The following HOATZ variants were observed in gnomAD, a reference collection of about 807,000 sequenced individuals.
HOATZ encodes the protein HOATZ cilia and flagella associated protein, also known as cilia- and flagella-associated protein HOATZ.
HOATZ carries 26 observed loss-of-function variants against 24.9 expected under a neutral mutation model. The observed-to-expected ratio is 1.04, with a 90% CI of 0.76 to 1.45. HOATZ has a LOEUF of 1.45. Ranked by LOEUF, HOATZ falls within the 40% of genes most tolerant of loss-of-function variation. The probability of loss-of-function intolerance (pLI) is 0.00; values close to 1 mark genes in which losing one functional copy is unlikely to be tolerated. For missense variants in HOATZ, 226 were observed against 201.5 expected (o/e 1.12, Z -0.74); for synonymous variants, 83 against 76.6 (o/e 1.08, Z -0.43).
chr11:111,535,185 A>G (rs1867437688), intron 5 of HOATZ: 1 of 152,240 alleles, frequency 6.6e-6, no homozygotes, highest in Admixed American at 6.5e-5. Flanking sequence ...ATGCTGTCAA[A>G]GTAACACCCT....
At position 111,524,962 on chromosome 11, in the gene HOATZ, A is replaced by G. The variant is rs1271433493; in HGVS notation, c.340-8784A>G. On this transcript the variant is annotated intron_variant, in intron 3 of 5. Transcript: ENST00000375618. ...CTGCAGCCTCAACTTTCTCGGATTC[A>G]GGTGATTCTCCCACCTCAGCCTCAG... The G allele has an allele frequency of 2.4e-6, 1 of 424,722 alleles. No homozygotes were observed. The highest frequency in any genetic ancestry group is 3.5e-4 in the Middle Eastern group (1 of 2,868). The allele number at this position is 424,722 out of a possible 1,614,324, so 26.3% of individuals were successfully genotyped here.
intron 3 of HOATZ, among the ~76,000 whole-genome samples, chr11:111,522,410 A>G (rs1431780150): frequency 6.6e-6 from 1 of 152,232 alleles, no homozygotes; most frequent in Non-Finnish European, 1.5e-5. Flanking sequence ...TGGATCAGGT[A>G]ACTCAGAGAA....
intron 3 of HOATZ, among the ~76,000 whole-genome samples, chr11:111,524,731 C>A (rs1555014758): frequency 1.3e-5 from 2 of 152,058 alleles, no homozygotes; most frequent in Non-Finnish European, 2.9e-5. Context: ...GACAAATTGA[C>A]CTAACTATGA....
chr11:111,520,238 G>A (rs17585700), intron 3 of HOATZ, among the ~76,000 whole-genome samples: 5,415 of 152,114 alleles, frequency 0.036, 134 homozygotes, highest in Middle Eastern at 0.085. Context: ...TAGTTTTGCC[G>A]CCTTTAAGAA....
chr11:111,517,584 A>T (rs1217669572), intron 3 of HOATZ, among the ~76,000 whole-genome samples: 1 of 152,148 alleles, frequency 6.6e-6, no homozygotes, highest in Non-Finnish European at 1.5e-5. Context: ...GCTGCTGGGG[A>T]TCCAAAGATA....
At chr11:111,534,595 C>G in intron 5 of HOATZ, 131 bp downstream of exon 5, 1 of 744,350 alleles carries the variant, frequency 1.3e-6, no homozygotes, top group Non-Finnish European at 2.3e-6. Flanking sequence ...AGATTTCTTG[C>G]CTTGAATAAA....
chr11:111,514,814 C>A lies in HOATZ; in HGVS notation c.30C>A (p.Ser10Arg), dbSNP rs770205366. The A allele has an allele frequency of 2.5e-6, 4 of 1,614,008 alleles. No homozygotes were observed. Among genetic ancestry groups the A allele is most frequent in the Non-Finnish European group, 3.4e-6 (4 of 1,179,966 alleles). Residue 10 changes from serine (S) to arginine (R), a missense_variant, in exon 1 of 6, where the codon AGC becomes AGA. Coordinates refer to ENST00000375618, the MANE Select transcript of HOATZ (RefSeq NM_001100388.2). METGPSEEPSGRKESQEMCP... is the reference protein window; with the variant it reads METGPSEEPRGRKESQEMCP... ...AAACGGGACCCAGCGAAGAACCTAG[C>A]GGCCGAAAAGAGTCCCAGGAAATGT...
At chr11:111,525,798 C>T (rs1399492448) in intron 3 of HOATZ, among the ~76,000 whole-genome samples, 1 of 152,174 alleles carries the variant, frequency 6.6e-6, no homozygotes, top group African/African-American at 2.4e-5. Context: ...TGGACAATGA[C>T]AACAAAACAT....
chr11:111,536,595 A>G lies in HOATZ; in HGVS notation c.453-175A>G, dbSNP rs1867452974. ...CTGTACCTCCAAACCACACTTCACA[A>G]TATCATAACCACTTCTCTCACATAC... On this transcript the variant is annotated intron_variant, in intron 5 of 5. Transcript: ENST00000375618. 12 of 546,342 alleles carry G rather than the reference A, an allele frequency of 2.2e-5. 1 individual carries two copies. In the South Asian group the frequency reaches 2.8e-4, roughly 13 times the overall value. 33.8% of individuals were successfully genotyped at this position (546,342 alleles called of 1,614,324 possible).
chr11:111,536,645 C>T, intron 5 of HOATZ, 125 bp from the exon 6 acceptor site: 1 of 749,074 alleles, frequency 1.3e-6, no homozygotes, highest in Admixed American at 2.0e-5. Flanking sequence ...TTGCAAAACC[C>T]AACACATAGA....
intron 3 of HOATZ, among the ~76,000 whole-genome samples, chr11:111,521,849 G>A (rs1867272169): frequency 1.3e-5 from 2 of 152,324 alleles, no homozygotes; most frequent in Middle Eastern, 6.8e-3. Context: ...AACATTTTCA[G>A]TTGACAGATG....
At chr11:111,518,997 C>T (rs1240919314) in intron 3 of HOATZ, 3 of 455,986 alleles carry the variant, frequency 6.6e-6, no homozygotes, top group South Asian at 1.5e-5. Flanking sequence ...ATGTTTCTCT[C>T]TTTCCTGCTA....
intron 1 of HOATZ, 92 bp from the exon 2 acceptor site, chr11:111,515,419 G>C: frequency 9.7e-7 from 1 of 1,030,288 alleles, no homozygotes; most frequent in Non-Finnish European, 1.5e-6. Flanking sequence ...TGTGGAAACT[G>C]TTATGCAATT....
chr11:111,525,233 A>T (rs1464545013), intron 3 of HOATZ, among the ~76,000 whole-genome samples: 1 of 152,108 alleles, frequency 6.6e-6, no homozygotes, highest in African/African-American at 2.4e-5. Context: ...AAAAAGAAAA[A>T]CCCTATAAGT....
At chr11:111,535,923 G>C (rs1867446156) in intron 5 of HOATZ, 1 of 152,246 alleles carries the variant, frequency 6.6e-6, no homozygotes. Flanking sequence ...CCAAAGTGCT[G>C]GGATTACAGG....
Position 111,514,819 on chromosome 11 carries a change from G to A in HOATZ, c.35G>A (p.Arg12Gln), listed in dbSNP as rs771451441. 1.6e-5 allele frequency: 26 copies of A among 1,614,030 alleles called. 1 individual carries two copies. The South Asian group carries it at 2.6e-4, about 16-fold the overall frequency. Reference protein sequence around the residue: ...ETGPSEEPSGRKESQEMCPPG... With the variant: ...ETGPSEEPSGQKESQEMCPPG... ...GGACCCAGCGAAGAACCTAGCGGCC[G>A]AAAAGAGTCCCAGGAAATGTGCCCC... is the stretch of plus-strand genomic sequence containing the variant. The change falls in exon 1 of 6, where the codon CGA becomes CAA. Residue 12 changes from arginine to glutamine, a missense_variant. Coordinates refer to ENST00000375618, the MANE Select transcript of HOATZ (RefSeq NM_001100388.2).
At chr11:111,532,484 CAG>C (rs755266852) in intron 3 of HOATZ, among the ~76,000 whole-genome samples, 2 of 152,150 alleles carry the variant, frequency 1.3e-5, no homozygotes, top group Non-Finnish European at 2.9e-5. Flanking sequence ...GACAGACACA[CAG>C]AGAGAATGCC....
chr11:111,516,581 C>T lies in HOATZ; in HGVS notation c.339+471C>T, dbSNP rs903794662. 2.0e-5 allele frequency among the ~76,000 whole-genome samples: 3 copies of T among 152,108 alleles called. 1 individual carries two copies. Among genetic ancestry groups the T allele is most frequent in the South Asian group, 4.2e-4 (2 of 4,812 alleles). ...AAAAATTTTTAATTTGCCAGGCCTG[C>T]TGGTGCATACCTGTAGTCTGAGCTA... On this transcript the variant is annotated intron_variant, in intron 3 of 5. Coordinates refer to ENST00000375618, the MANE Select transcript of HOATZ (RefSeq NM_001100388.2).
chr11:111,523,667 A>T (rs1056406526), intron 3 of HOATZ, among the ~76,000 whole-genome samples: 1 of 152,214 alleles, frequency 6.6e-6, no homozygotes, highest in Non-Finnish European at 1.5e-5. Context: ...ATTACCCTTC[A>T]GTGCAATTCA....
Sources: allele counts gnomAD v4.1 joint callset (sites outside exome capture counted in the v4.1 genomes callset), GRCh38; gene constraint gnomAD v4.1.1; transcripts MANE v1.5; gene names NCBI Gene and HGNC (gene_info 2026-07-23, HGNC 2026-07-21).